The following METAP1 variants were observed in gnomAD, a reference collection of about 807,000 sequenced individuals.
The protein encoded by METAP1 is methionine aminopeptidase 1.
Under a neutral mutation model 53.8 loss-of-function variants are expected in METAP1, and 28 were observed. The observed-to-expected ratio is 0.52, with a 90% CI of 0.39 to 0.71. The LOEUF is 0.71. Ranked by LOEUF, METAP1 falls within the 30% of genes least tolerant of loss-of-function variation. METAP1 has a pLI of 0.00. For synonymous variants in METAP1, 181 were observed against 165.7 expected, an observed-to-expected ratio of 1.09 and a Z score of -0.71; for missense variants, 389 against 479.8, an observed-to-expected ratio of 0.81 and a Z score of 1.77.
In METAP1 at chr4:99,035,480, T is replaced by G; in HGVS notation, c.340+20T>G. On this transcript the variant is annotated intron_variant, in intron 4 of 10. Coordinates refer to ENST00000296411, the MANE Select transcript of METAP1 (RefSeq NM_015143.3). ...CCTTAGGTAAGCTCTGCTATGTTGA[T>G]TCTTCATTTTTCAATTTGTGGGCTT... is the stretch of plus-strand genomic sequence containing the variant. 3.3e-6 allele frequency: 5 copies of G among 1,513,890 alleles called. No homozygotes were observed. Among genetic ancestry groups the G allele is most frequent in the African/African-American group, 1.4e-5 (1 of 72,204 alleles). 93.8% of individuals were successfully genotyped at this position (1,513,890 alleles called of 1,614,324 possible).
chr4:98,995,830 T>G lies in METAP1; in HGVS notation c.77T>G (p.Ile26Ser). 6.5e-7 allele frequency: 1 copy of G among 1,543,642 alleles called. No homozygotes were observed. The highest frequency in any genetic ancestry group is 8.7e-7 in the Non-Finnish European group (1 of 1,143,224). The change falls in exon 1 of 11, where the codon ATC (isoleucine) becomes AGC (serine). Residue 26 changes from isoleucine (I) to serine (S), a missense_variant. By Grantham distance (142) the Ile-to-Ser change is moderately radical (BLOSUM62 -2). Transcript: ENST00000296411. ...GCCAAGCTCCAGTGTCCCACTTGCA[T>G]CAAGCTGGGCATCCAGGGCTCGTAC... ...SEAKLQCPTC[I>S]KLGIQGSYFC...
intron 2 of METAP1, chr4:99,031,450 A>G: frequency 2.3e-6 from 3 of 1,283,106 alleles, no homozygotes; most frequent in Non-Finnish European, 3.0e-6. Flanking sequence ...TCTAAGTAAT[A>G]CTTTTCCTTC....
intron 1 of METAP1, chr4:99,027,013 A>G (rs1724608426): frequency 6.5e-6 from 2 of 307,034 alleles, no homozygotes; most frequent in Non-Finnish European, 9.5e-6. Context: ...TTAAAAAGCT[A>G]AGAATTTGAT....
chr4:99,037,753 T>C (rs1725537719), intron 4 of METAP1: 1 of 151,988 alleles, frequency 6.6e-6, no homozygotes, highest in Non-Finnish European at 1.5e-5. Context: ...GCCCCTACCT[T>C]TCCTCTTTTT....
chr4:99,023,902 G>T, intron 1 of METAP1: 1 of 544,882 alleles, frequency 1.8e-6, no homozygotes, highest in Non-Finnish European at 2.3e-6. Context: ...AGCCAGCTGT[G>T]TGGGAGATGG....
intron 1 of METAP1, among the ~76,000 whole-genome samples, chr4:99,010,358 G>A (rs1187914222): frequency 6.6e-6 from 1 of 152,206 alleles, no homozygotes; most frequent in Non-Finnish European, 1.5e-5. Flanking sequence ...GGAGGCTGAG[G>A]CAGGAGGACC....
intron 9 of METAP1, 136 bp downstream of exon 9, chr4:99,049,012 T>TTTCAGCAAATACAC: frequency 8.9e-7 from 1 of 1,119,762 alleles, no homozygotes; most frequent in Non-Finnish European, 1.3e-6. Context: ...CCAAAATGTG[T>TTTCAGCAAATACAC]ATTTGCTGAA....
chr4:99,026,915 C>T, intron 1 of METAP1: 1 of 890,852 alleles, frequency 1.1e-6, no homozygotes, highest in African/African-American at 1.8e-5. Context: ...GCTCATATAT[C>T]TTGAAATACA....
intron 1 of METAP1, among the ~76,000 whole-genome samples, chr4:99,016,850 G>A (rs1304519541): frequency 3.9e-5 from 6 of 152,158 alleles, no homozygotes; most frequent in Non-Finnish European, 8.8e-5. Flanking sequence ...AGGGCCTGAG[G>A]GCCCCAGCAT....
chr4:99,017,382 T>C (rs1269414583), intron 1 of METAP1, among the ~76,000 whole-genome samples: 1 of 152,242 alleles, frequency 6.6e-6, no homozygotes, highest in Non-Finnish European at 1.5e-5. Context: ...GGAATAGTTA[T>C]CAGGTAATTG....
At chr4:99,027,363 T>C (rs1410560217) in intron 1 of METAP1, among the ~76,000 whole-genome samples, 1 of 152,150 alleles carries the variant, frequency 6.6e-6, no homozygotes, top group African/African-American at 2.4e-5. Flanking sequence ...TTTATGGGGA[T>C]TGTAAATGAT....
At chr4:99,020,969 C>T (rs76653048) in intron 1 of METAP1, among the ~76,000 whole-genome samples, 1,885 of 152,278 alleles carry the variant, frequency 0.012, 40 homozygotes, top group African/African-American at 0.043. Flanking sequence ...CAGTTGCAGG[C>T]CTACTAGAAG....
At chr4:99,001,811 T>TA (rs1478235151) in intron 1 of METAP1, among the ~76,000 whole-genome samples, 1 of 152,238 alleles carries the variant, frequency 6.6e-6, no homozygotes, top group Non-Finnish European at 1.5e-5. Flanking sequence ...AAGCTAATTC[T>TA]ATATCCTTTT....
chr4:99,023,143 C>T (rs564309803), intron 1 of METAP1: 15 of 765,506 alleles, frequency 2.0e-5, no homozygotes, highest in South Asian at 1.2e-4. Flanking sequence ...TTGACTGACA[C>T]GAGCAGCACG....
chr4:99,029,059 T>A, intron 2 of METAP1, 141 bp downstream of exon 2: 1 of 551,636 alleles, frequency 1.8e-6, no homozygotes, highest in South Asian at 3.2e-5. Context: ...TGACATATTT[T>A]AAATTTTTGT....
rs552712291 is a variant in METAP1, at chr4:98,999,647, A to T, written c.114+3780A>T. Among the ~76,000 whole-genome samples the T allele has an allele frequency of 1.9e-4, 28 of 149,970 alleles. No homozygotes were observed. In the South Asian group the frequency reaches 6.0e-3, roughly 32 times the overall value. ...TGCTTCAGCCTCCCCAGTAGCTGAG[A>T]TTACAGGTGCGCACCACCACGCCTG... On this transcript the variant is annotated intron_variant, in intron 1 of 10. Transcript: ENST00000296411.
chr4:99,005,191 T>A (rs1265957830), intron 1 of METAP1, among the ~76,000 whole-genome samples: 2 of 152,028 alleles, frequency 1.3e-5, no homozygotes, highest in Non-Finnish European at 2.9e-5. Context: ...ATAATCACAG[T>A]AAACAGACAA....
chr4:99,048,934 C>CA, intron 9 of METAP1, 58 bp downstream of exon 9: 1 of 1,556,778 alleles, frequency 6.4e-7, no homozygotes, highest in African/African-American at 1.4e-5. Context: ...AATACTTATT[C>CA]ATACATTTAA....
intron 1 of METAP1, among the ~76,000 whole-genome samples, chr4:99,011,015 C>T (rs1166722881): frequency 6.8e-6 from 1 of 147,714 alleles, no homozygotes; most frequent in Non-Finnish European, 1.5e-5. Context: ...GTTGATTATC[C>T]TGCAACTTTA....
Sources: allele counts gnomAD v4.1 joint callset (sites outside exome capture counted in the v4.1 genomes callset), GRCh38; gene constraint gnomAD v4.1.1; transcripts MANE v1.5; gene names NCBI Gene and HGNC (gene_info 2026-07-23, HGNC 2026-07-21).